Variants in SCARF2 observed in about 807,000 individuals in gnomAD.
The protein encoded by SCARF2 is scavenger receptor expressed by endothelial cells 2 protein.
SCARF2 carries 39 observed loss-of-function variants against 73.4 expected under a neutral mutation model. The observed-to-expected ratio is 0.53, with a 90% confidence interval of 0.41 to 0.69. The LOEUF is 0.69. Among genes scored for constraint, SCARF2 ranks in the 30% least tolerant of loss-of-function variants. SCARF2 has a pLI of 0.00. For missense variants in SCARF2, 1,148 were observed against 1,303.5 expected, an observed-to-expected ratio of 0.88 and a Z score of 1.84; for synonymous variants, 605 against 590.0, an observed-to-expected ratio of 1.03 and a Z score of -0.37.
At chr22:20,426,630 C>T (rs1411717936) in intron 10 of SCARF2, among the ~76,000 whole-genome samples, 2 of 152,252 alleles carry the variant, frequency 1.3e-5, no homozygotes, top group African/African-American at 2.4e-5. Flanking sequence ...TTCCATTATC[C>T]TTCTTTAAGA....
Position 20,429,097 on chromosome 22 carries a change from GC to G in SCARF2, c.1540+127del. The G allele has an allele frequency of 7.9e-7, 1 of 1,265,914 alleles. No homozygotes were observed. Among genetic ancestry groups the G allele is most frequent in the Admixed American group, 1.9e-5 (1 of 53,700 alleles). 78.4% of individuals were successfully genotyped at this position (1,265,914 alleles called of 1,614,324 possible). A position where few individuals can be genotyped will look rare whatever the true frequency, so the allele number is the denominator to read the frequency against. On this transcript the variant is annotated intron_variant, in intron 9 of 10. Transcript: ENST00000622235. This position sits in a 1 kb window ranked among gnomAD's most constrained non-coding sequence, Gnocchi z 5.2. Reference sequence around the variant, plus strand: ...CTTCCCTCTGGTCGCACCTCCTCGCGCCCACGCACATCAACACTCAAGGTCC... The same window carrying G: ...CTTCCCTCTGGTCGCACCTCCTCGCGCCACGCACATCAACACTCAAGGTCC...
Position 20,425,325 on chromosome 22 carries a change from G to C in SCARF2, c.*50C>G, listed in dbSNP as rs773296315. ...GGTAGCGTGGGAGGTGTGGGGTGGC[G>C]GGCGGCGCTGCGAAGCTGAGGGAGC... On this transcript the variant is annotated 3_prime_UTR_variant, in exon 11 of 11. Transcript: ENST00000622235. This position sits in a 1 kb window ranked among gnomAD's most constrained non-coding sequence, Gnocchi z 4.6. 1.5e-6 allele frequency: 2 copies of C among 1,314,704 alleles called. No individual in the cohort carries two copies. Among genetic ancestry groups the C allele is most frequent in the African/African-American group, 3.1e-5 (2 of 65,308 alleles). 81.4% of individuals were successfully genotyped at this position (1,314,704 alleles called of 1,614,324 possible).
At chr22:20,435,062 C>T (rs2052685757) in intron 1 of SCARF2, among the ~76,000 whole-genome samples, 1 of 152,190 alleles carries the variant, frequency 6.6e-6, no homozygotes, top group Non-Finnish European at 1.5e-5. Context: ...AATCCAACTG[C>T]CCAATAGATG....
Position 20,425,581 on chromosome 22 carries a change from G to A in SCARF2, c.2395C>T (p.Pro799Ser). The A allele has an allele frequency of 7.4e-7, 1 of 1,343,550 alleles. No individual in the cohort carries two copies. Among genetic ancestry groups the A allele is most frequent in the South Asian group, 1.8e-5 (1 of 54,568 alleles). 83.2% of individuals were successfully genotyped at this position (1,343,550 alleles called of 1,614,324 possible). The change falls in exon 11 of 11, where the codon CCC (proline) becomes TCC (serine). Residue 799 changes from proline to serine, a missense_variant. By Grantham distance (74) the Pro-to-Ser change is moderately conservative. Transcript: ENST00000622235. The surrounding 1 kb of genome is among the most constrained non-coding windows in gnomAD (Gnocchi z 4.6). ...GAQGPREKPA[P>S]PQKAKRSVPP... ...ACGGAGCGCTTGGCTTTCTGTGGGG[G>A]CGCCGGCTTTTCCCTGGGGCCCTGC...
rs1208426670 is a variant in SCARF2 at position 20,427,346 on chromosome 22, C to T, written c.1693+52G>A. ...TGTCCCACCCAGAACACAGCTTTTC[C>T]ATGGGAACATTTCACTGGGCTGGAG... On this transcript the variant is annotated intron_variant, in intron 10 of 10. Transcript: ENST00000622235. 2.5e-6 allele frequency: 4 copies of T among 1,608,806 alleles called. No individual in the cohort carries two copies. The African/African-American group carries it at 4.0e-5, about 16-fold the overall frequency.
At position 20,430,668 on chromosome 22, in the gene SCARF2, C is replaced by T. The variant is rs765733243; in HGVS notation, c.1073+22G>A. The T allele has an allele frequency of 1.0e-5, 16 of 1,596,904 alleles. No homozygotes were observed. In the East Asian group the frequency reaches 3.0e-4, roughly 30 times the overall value. ...AGGGCGGGGGACTGCGTGTCTGGGC[C>T]GACGCAGGCAGGGCTGCTCACCGGT... On this transcript the variant is annotated intron_variant, in intron 5 of 10. Coordinates refer to ENST00000622235, the MANE Select transcript of SCARF2 (RefSeq NM_182895.5).
In SCARF2 at chr22:20,430,520, C is replaced by T; in HGVS notation, c.1111G>A (p.Asp371Asn). The T allele has an allele frequency of 6.2e-7, 1 of 1,607,734 alleles. No individual in the cohort carries two copies. Among genetic ancestry groups the T allele is most frequent in the South Asian group, 1.1e-5 (1 of 90,258 alleles). ...CAGTCGGCGCACACGAAGGCGCAGTCCTCGCCGTAAGTGCCATTGCTACAC... is the reference window on the plus strand; with the variant it reads ...CAGTCGGCGCACACGAAGGCGCAGTTCTCGCCGTAAGTGCCATTGCTACAC... ...TKCSNGTYGE[D>N]CAFVCADCGS... The change falls in exon 6 of 11, where the codon GAC becomes AAC. Residue 371 changes from aspartate (D) to asparagine (N), a missense_variant. By Grantham distance (23) the Asp-to-Asn change is conservative (BLOSUM62 1). Around this residue, in one of 5 missense-constraint regions of SCARF2, gnomAD observed 372 missense variants for 532.0 expected, o/e 0.70. Transcript: ENST00000622235.
At position 20,425,392 on chromosome 22, in the gene SCARF2, C is replaced by T; in HGVS notation, c.2584G>A (p.Gly862Ser). 4.9e-6 allele frequency: 7 copies of T among 1,423,914 alleles called. No homozygotes were observed. Among genetic ancestry groups the T allele is most frequent in the Non-Finnish European group, 6.4e-6 (7 of 1,085,664 alleles). The allele number at this position is 1,423,914 out of a possible 1,614,324, so 88.2% of individuals were successfully genotyped here. The change falls in exon 11 of 11, where the codon GGC (glycine) becomes AGC (serine). Residue 862 changes from glycine to serine, a missense_variant. By Grantham distance (56) the Gly-to-Ser change is moderately conservative. This residue lies in a region of SCARF2 where 169 missense variants were observed against 136.9 expected (regional missense o/e 1.23). Transcript: ENST00000622235. This position sits in a 1 kb window ranked among gnomAD's most constrained non-coding sequence, Gnocchi z 4.6. ...REAAGELGRA[G>S]APTL Reference sequence around the variant, plus strand: ...ACAGCCTGCTACAGGGTGGGTGCGCCCGCCCTGCCCAGCTCGCCCGCCGCC... The same window carrying T: ...ACAGCCTGCTACAGGGTGGGTGCGCTCGCCCTGCCCAGCTCGCCCGCCGCC...
chr22:20,437,792 G>C lies in SCARF2; in HGVS notation c.-38C>G. ...AGGCGCGGGGCGGGCACGGGCGCGG[G>C]TGCGGCCGCAGCGAGAGCGGCCGGA... On this transcript the variant is annotated 5_prime_UTR_variant, in exon 1 of 11. Transcript: ENST00000622235. The C allele has an allele frequency of 2.3e-6, 2 of 880,262 alleles. No individual in the cohort carries two copies. Among genetic ancestry groups the C allele is most frequent in the Non-Finnish European group, 2.7e-6 (2 of 734,526 alleles). 54.5% of individuals were successfully genotyped at this position (880,262 alleles called of 1,614,324 possible).
At chr22:20,435,292 A>AAAATGGG (rs1198808290) in intron 1 of SCARF2, among the ~76,000 whole-genome samples, 2 of 152,214 alleles carry the variant, frequency 1.3e-5, no homozygotes, top group African/African-American at 4.8e-5. Flanking sequence ...AACGATATCT[A>AAAATGGG]AAATGGGATC....
rs1569105597 is a variant in SCARF2, at chr22:20,426,043, G to C, written c.1933C>G (p.Leu645Val). 6.3e-7 allele frequency: 1 copy of C among 1,576,190 alleles called. No individual in the cohort carries two copies. The highest frequency in any genetic ancestry group is 8.5e-7 in the Non-Finnish European group (1 of 1,169,768). The change falls in exon 11 of 11, where the codon CTG (leucine) becomes GTG (valine). Residue 645 changes from leucine to valine, a missense_variant. Coordinates refer to ENST00000622235, the MANE Select transcript of SCARF2 (RefSeq NM_182895.5). ...TTCCTGCGCTCGGGCGATGGCGACA[G>C]CGACAGGCCCCCAATCTCGCCCCGG... ...RARGEIGGLS[L>V]SPSPERRKPP...
intron 4 of SCARF2, 31 bp downstream of exon 4, chr22:20,430,987 C>T (rs1208326965): frequency 2.6e-6 from 4 of 1,568,520 alleles, no homozygotes; most frequent in Admixed American, 3.5e-5. Flanking sequence ...CCTTCCACCT[C>T]CTCCCTCCCT....
intron 1 of SCARF2, among the ~76,000 whole-genome samples, chr22:20,434,668 G>A (rs545724926): frequency 1.6e-3 from 238 of 152,318 alleles, no homozygotes; most frequent in African/African-American, 5.5e-3. Context: ...CCTGTAAGTC[G>A]GCAAGACCCT....
Position 20,430,851 on chromosome 22 carries a change from C to T in SCARF2, c.912G>A (p.Thr304=), listed in dbSNP as rs2052636715. Residue 304 remains threonine (T), a synonymous_variant, in exon 5 of 11, where the codon ACG becomes ACA. Coordinates refer to ENST00000622235, the MANE Select transcript of SCARF2 (RefSeq NM_182895.5). ...TGGTTCCGTTCCAGCCGGGCTCGCA[C>T]GTCAAGCAGCGGCCCTCGGCCACCG... ...PCTVAEGRCL[T]CEPGWNGTKC... is the part of the protein sequence containing the mutation. 5 of 1,606,658 alleles carry T rather than the reference C, an allele frequency of 3.1e-6. No homozygotes were observed. Among genetic ancestry groups the T allele is most frequent in the East Asian group, 2.2e-5 (1 of 44,642 alleles).
Position 20,429,305 on chromosome 22 carries a change from C to T in SCARF2, c.1460G>A (p.Arg487Gln), listed in dbSNP as rs756195856. 3.5e-6 allele frequency: 5 copies of T among 1,437,438 alleles called. No homozygotes were observed. Among genetic ancestry groups the T allele is most frequent in the South Asian group, 2.3e-5 (2 of 88,578 alleles). The allele number at this position is 1,437,438 out of a possible 1,614,324, so 89.0% of individuals were successfully genotyped here. A position where few individuals can be genotyped will look rare whatever the true frequency, so the allele number is the denominator to read the frequency against. Residue 487 changes from arginine (R) to glutamine (Q), a missense_variant, in exon 9 of 11, where the codon CGA becomes CAA. Arg to Gln is a conservative substitution (Grantham distance 43). This residue lies in a region of SCARF2 where 437 missense variants were observed against 433.6 expected (regional missense o/e 1.01). Coordinates refer to ENST00000622235, the MANE Select transcript of SCARF2 (RefSeq NM_182895.5). This position sits in a 1 kb window ranked among gnomAD's most constrained non-coding sequence, Gnocchi z 5.2. ...GATGCGACTGAAGCGCCCGCATAGT[C>T]GGTGCGGCGCCTTCTTCCTCCCAAG... is the stretch of plus-strand genomic sequence containing the variant. The part of the protein sequence containing the change: ...LSLGRKKAPH[R>Q]LCGRFSRISM...
At position 20,425,411 on chromosome 22, in the gene SCARF2, C is replaced by T. The variant is rs767387747; in HGVS notation, c.2565G>A (p.Ala855=). Residue 855 remains alanine (A), a synonymous_variant, in exon 11 of 11, where the codon GCG becomes GCA. Transcript: ENST00000622235. The surrounding 1 kb of genome is among the most constrained non-coding windows in gnomAD (Gnocchi z 4.6). The part of the protein sequence containing the change: ...KPPRKKSREA[A]GELGRAGAPT... ...GTGCGCCCGCCCTGCCCAGCTCGCC[C>T]GCCGCCTCCCGGCTCTTCTTGCGCG... 3 of 1,428,802 alleles carry T rather than the reference C, an allele frequency of 2.1e-6. No homozygotes were observed. Among genetic ancestry groups the T allele is most frequent in the Admixed American group, 4.9e-5 (2 of 41,222 alleles). 88.5% of individuals were successfully genotyped at this position (1,428,802 alleles called of 1,614,324 possible).
chr22:20,425,342 TG>T lies in SCARF2; in HGVS notation c.*32del. The T allele has an allele frequency of 7.4e-7, 1 of 1,359,120 alleles. No homozygotes were observed. The highest frequency in any genetic ancestry group is 3.0e-5 in the Admixed American group (1 of 33,690). The allele number at this position is 1,359,120 out of a possible 1,614,324, so 84.2% of individuals were successfully genotyped here. ...GGGGTGGCGGGCGGCGCTGCGAAGC[TG>T]AGGGAGCTGCGCGCGGACGAGCCAC... On this transcript the variant is annotated 3_prime_UTR_variant, in exon 11 of 11. Coordinates refer to ENST00000622235, the MANE Select transcript of SCARF2 (RefSeq NM_182895.5). This position sits in a 1 kb window ranked among gnomAD's most constrained non-coding sequence, Gnocchi z 4.6.
In SCARF2 at chr22:20,426,078, G is replaced by A. The variant is rs1490717175; in HGVS notation, c.1898C>T (p.Pro633Leu). ...YARVARREAR[P>L]ARARGEIGGL... ...CCCAATCTCGCCCCGGGCCCGGGCC[G>A]GCCGGGCCTCGCGTCGGGCCACGCG... The change falls in exon 11 of 11, where the codon CCG becomes CTG. Residue 633 changes from proline (P) to leucine (L), a missense_variant. Physicochemically the swap from Pro to Leu is moderately conservative, Grantham distance 98. Coordinates refer to ENST00000622235, the MANE Select transcript of SCARF2 (RefSeq NM_182895.5). 1 of 1,535,260 alleles carries A rather than the reference G, an allele frequency of 6.5e-7. No homozygotes were observed. Among genetic ancestry groups the A allele is most frequent in the Non-Finnish European group, 8.7e-7 (1 of 1,151,726 alleles).
chr22:20,425,295 T>C lies in SCARF2; in HGVS notation c.*80A>G. 22 of 1,216,416 alleles carry C rather than the reference T, an allele frequency of 1.8e-5. No homozygotes were observed. The highest frequency in any genetic ancestry group is 2.2e-5 in the Non-Finnish European group (21 of 948,584). The allele number at this position is 1,216,416 out of a possible 1,614,324, so 75.4% of individuals were successfully genotyped here. A position where few individuals can be genotyped will look rare whatever the true frequency, so the allele number is the denominator to read the frequency against. ...TGCCCGGCCAATAGGAGGCCGCCCG[T>C]GCCCGGTAGCGTGGGAGGTGTGGGG... On this transcript the variant is annotated 3_prime_UTR_variant, in exon 11 of 11. Coordinates refer to ENST00000622235, the MANE Select transcript of SCARF2 (RefSeq NM_182895.5). The surrounding 1 kb of genome is among the most constrained non-coding windows in gnomAD (Gnocchi z 4.6).
Sources: gnomAD v4.1 joint callset for allele counts (sites outside exome capture counted in the v4.1 genomes callset) on GRCh38, gnomAD v4.1.1 for gene constraint, gnomAD v4.1.1 regional missense constraint, Gnocchi (gnomAD v3.1) non-coding constraint, MANE v1.5 for transcripts, NCBI Gene and HGNC (gene_info 2026-07-23, HGNC 2026-07-21) for gene names.